EEFSEC: variants seen among roughly 807,000 people sequenced by gnomAD.
EEFSEC encodes eukaryotic elongation factor, selenocysteine-tRNA specific, also known as selenocysteine-specific elongation factor.
In EEFSEC, 43 loss-of-function variants were observed where a neutral mutation model predicts 42.1. That is an observed-to-expected ratio of 1.02 (90% CI 0.80 to 1.32). The LOEUF (loss-of-function observed/expected upper bound fraction) is 1.32. Among genes scored for constraint, EEFSEC ranks in the 40% most tolerant of loss-of-function variants. The probability of loss-of-function intolerance (pLI) is 0.00; values close to 1 mark genes in which losing one functional copy is unlikely to be tolerated. For synonymous variants in EEFSEC, 354 were observed against 339.1 expected, an observed-to-expected ratio of 1.04 and a Z score of -0.48; for missense variants, 745 against 803.6, an observed-to-expected ratio of 0.93 and a Z score of 0.88.
chr3:128,168,042 G>A (rs896540241), intron 1 of EEFSEC, among the ~76,000 whole-genome samples: 1 of 152,134 alleles, frequency 6.6e-6, no homozygotes, highest in South Asian at 2.1e-4. Flanking sequence ...CATTGTCTAG[G>A]GCGTCTGTTT....
chr3:128,171,514 A>C (rs2107776773), intron 1 of EEFSEC, among the ~76,000 whole-genome samples: 1 of 152,262 alleles, frequency 6.6e-6, no homozygotes, highest in South Asian at 2.1e-4. Flanking sequence ...CTTTCATATC[A>C]GTGTAAAGAT....
At chr3:128,246,778 CTT>C in intron 1 of EEFSEC, 56 bp from the exon 2 acceptor site, 4 of 1,596,604 alleles carry the variant, frequency 2.5e-6, no homozygotes, top group Non-Finnish European at 3.4e-6. Context: ...CATTGGGCAA[CTT>C]TCTGTGGGGC....
At chr3:128,224,406 C>T (rs1334940273) in intron 1 of EEFSEC, among the ~76,000 whole-genome samples, 1 of 152,142 alleles carries the variant, frequency 6.6e-6, no homozygotes, top group Non-Finnish European at 1.5e-5. Context: ...TGTGGTCACC[C>T]TTGGGTCTTT....
chr3:128,262,529 G>A (rs1392592253), intron 3 of EEFSEC, among the ~76,000 whole-genome samples: 1 of 152,150 alleles, frequency 6.6e-6, no homozygotes, highest in Non-Finnish European at 1.5e-5. Context: ...CCTACACTCA[G>A]ACAAAGCAGC....
Position 128,407,447 on chromosome 3 carries a change from C to T in EEFSEC, c.1601-622C>T, listed in dbSNP as rs138664463. On this transcript the variant is annotated intron_variant, in intron 6 of 6. Transcript: ENST00000254730. ...AGCCGAGGGGGCACTGTGAGAATGG[C>T]GTGGGGCAGGGAGCCCCAGCGGGTG... 3.2e-4 allele frequency among the ~76,000 whole-genome samples: 49 copies of T among 152,254 alleles called. No homozygotes were observed. In the East Asian group the frequency reaches 7.7e-3, roughly 24 times the overall value.
At chr3:128,292,398 T>G (rs2066653433) in intron 4 of EEFSEC, among the ~76,000 whole-genome samples, 1 of 151,956 alleles carries the variant, frequency 6.6e-6, no homozygotes, top group African/African-American at 2.4e-5. Context: ...TTGGTATCAC[T>G]TCTTGCTTTA....
chr3:128,260,941 C>A, intron 2 of EEFSEC, among the ~76,000 whole-genome samples: 1 of 146,596 alleles, frequency 6.8e-6, no homozygotes, highest in Non-Finnish European at 1.5e-5. Flanking sequence ...GATGTGTACC[C>A]CACGAATTCA....
intron 4 of EEFSEC, among the ~76,000 whole-genome samples, chr3:128,287,016 G>A (rs1417577360): frequency 6.6e-6 from 1 of 152,132 alleles, no homozygotes; most frequent in Non-Finnish European, 1.5e-5. Context: ...TCACTTATTT[G>A]TTCCATCACA....
the EEFSEC span, among the ~76,000 whole-genome samples, chr3:128,421,906 C>T: frequency 7.9e-5 from 12 of 152,338 alleles, no homozygotes; most frequent in African/African-American, 2.4e-4. Context: ...CTGCTCACTC[C>T]TCCAGGGACA....
chr3:128,218,984 C>T (rs976991550), intron 1 of EEFSEC, among the ~76,000 whole-genome samples: 4 of 152,160 alleles, frequency 2.6e-5, no homozygotes, highest in African/African-American at 9.7e-5. Context: ...CAGCGCCTGC[C>T]GTCAGGAAGC....
chr3:128,229,417 G>A (rs1270625754), intron 1 of EEFSEC, among the ~76,000 whole-genome samples: 4 of 152,164 alleles, frequency 2.6e-5, no homozygotes, highest in Admixed American at 2.6e-4. Flanking sequence ...CCTCCAGGAT[G>A]ACCCTCCTGG....
At chr3:128,302,423 G>A (rs892227763) in intron 4 of EEFSEC, among the ~76,000 whole-genome samples, 3 of 152,154 alleles carry the variant, frequency 2.0e-5, no homozygotes, top group African/African-American at 7.2e-5. Context: ...GGTTGATCCT[G>A]CAGGCCGACT....
chr3:128,393,576 G>A (rs1419672106), intron 6 of EEFSEC, among the ~76,000 whole-genome samples: 3 of 152,186 alleles, frequency 2.0e-5, no homozygotes, highest in African/African-American at 7.2e-5. Flanking sequence ...GTGTAAAACA[G>A]CCCCCACCCA....
In EEFSEC at chr3:128,317,236, G is replaced by A. The variant is rs1286424799; in HGVS notation, c.787-23997G>A. Among the ~76,000 whole-genome samples, 1 of 152,200 alleles carries A rather than the reference G, an allele frequency of 6.6e-6. No homozygotes were observed. The highest frequency in any genetic ancestry group is 1.9e-4 in the East Asian group (1 of 5,182). ...GGACGACAGCCAGCATTCCCAGGAGGTCTGTGGCTGTCTGCTGCCAGGCCA... is the reference window on the plus strand; with the variant it reads ...GGACGACAGCCAGCATTCCCAGGAGATCTGTGGCTGTCTGCTGCCAGGCCA... On this transcript the variant is annotated intron_variant, in intron 4 of 6. Transcript: ENST00000254730. This position sits in a 1 kb window ranked among gnomAD's most constrained non-coding sequence, Gnocchi z 4.1.
At chr3:128,381,679 A>G (rs541268686) in intron 6 of EEFSEC, among the ~76,000 whole-genome samples, 1 of 152,076 alleles carries the variant, frequency 6.6e-6, no homozygotes, top group Non-Finnish European at 1.5e-5. Context: ...CAGGCCCAGG[A>G]GCATAAGCTT....
chr3:128,153,668 C>G lies in EEFSEC; in HGVS notation c.161C>G (p.Ser54Trp). The change falls in exon 1 of 7, where the codon TCG becomes TGG. Residue 54 changes from serine to tryptophan, a missense_variant. Coordinates refer to ENST00000254730, the MANE Select transcript of EEFSEC (RefSeq NM_021937.5). ...GGCATCACGCTCGATCTGGGCTTCT[C>G]GTGCTTCTCGGTGCCGCTGCCCGCG... is the stretch of plus-strand genomic sequence containing the variant. ...ERGITLDLGF[S>W]CFSVPLPARL... 1.3e-6 allele frequency: 2 copies of G among 1,597,400 alleles called. No individual in the cohort carries two copies. Among genetic ancestry groups the G allele is most frequent in the Non-Finnish European group, 1.7e-6 (2 of 1,178,090 alleles).
chr3:128,306,178 A>G (rs1489424209), intron 4 of EEFSEC, among the ~76,000 whole-genome samples: 1 of 152,136 alleles, frequency 6.6e-6, no homozygotes, highest in African/African-American at 2.4e-5. Context: ...GTGGCCTAAT[A>G]TATGATTTTG....
At chr3:128,200,023 C>T (rs771712951) in intron 1 of EEFSEC, among the ~76,000 whole-genome samples, 3 of 152,126 alleles carry the variant, frequency 2.0e-5, no homozygotes, top group East Asian at 1.9e-4. Flanking sequence ...CGTGAGCCAC[C>T]GTGCCCAGCC....
At chr3:128,229,864 G>A (rs1036399161) in intron 1 of EEFSEC, among the ~76,000 whole-genome samples, 4 of 152,132 alleles carry the variant, frequency 2.6e-5, no homozygotes, top group East Asian at 1.9e-4. Context: ...AATGGGGTGC[G>A]GGAGTTTCTG....
Sources: allele counts gnomAD v4.1 joint callset (sites outside exome capture counted in the v4.1 genomes callset), GRCh38; gene constraint gnomAD v4.1.1; non-coding constraint Gnocchi (gnomAD v3.1); transcripts MANE v1.5; gene names NCBI Gene and HGNC (gene_info 2026-07-23, HGNC 2026-07-21).